TECRL: variants seen among roughly 807,000 people sequenced by gnomAD.
TECRL encodes trans-2,3-enoyl-CoA reductase-like.
TECRL carries 63 observed loss-of-function variants against 52.8 expected under a neutral mutation model. The observed-to-expected ratio is 1.19, with a 90% confidence interval of 0.97 to 1.47. The LOEUF is 1.47. Ranked by LOEUF, TECRL falls within the 40% of genes most tolerant of loss-of-function variation. The pLI, the probability that TECRL is intolerant of heterozygous loss-of-function variation, is 0.00. For missense variants in TECRL, 482 were observed against 429.6 expected (o/e 1.12, Z -1.08); for synonymous variants, 164 against 141.9 (o/e 1.16, Z -1.10).
intron 9 of TECRL, among the ~76,000 whole-genome samples, chr4:64,283,554 G>A (rs554704681): frequency 6.6e-6 from 1 of 151,986 alleles, no homozygotes; most frequent in Non-Finnish European, 1.5e-5. Flanking sequence ...TTACAAGTGG[G>A]ACTGAATGGC....
intron 2 of TECRL, among the ~76,000 whole-genome samples, chr4:64,331,065 T>C (rs111734354): frequency 2.1e-4 from 32 of 152,254 alleles, no homozygotes; most frequent in Admixed American, 2.6e-4. Context: ...TTCTTGCACA[T>C]TGGGAATCTA....
At chr4:64,335,542 T>G (rs2110061012) in intron 2 of TECRL, among the ~76,000 whole-genome samples, 1 of 152,276 alleles carries the variant, frequency 6.6e-6, no homozygotes, top group Non-Finnish European at 1.5e-5. Context: ...GTGAAACCAC[T>G]CCCTACATCC....
chr4:64,331,705 A>G (rs1391897483), intron 2 of TECRL, among the ~76,000 whole-genome samples: 1 of 152,150 alleles, frequency 6.6e-6, no homozygotes, highest in African/African-American at 2.4e-5. Flanking sequence ...TTATTGAAAT[A>G]AAACCTTTTG....
intron 9 of TECRL, among the ~76,000 whole-genome samples, chr4:64,286,618 C>T (rs1723095483): frequency 6.6e-6 from 1 of 151,450 alleles, no homozygotes; most frequent in East Asian, 1.9e-4. Flanking sequence ...CCCTTAGACA[C>T]TCCCTCAAAA....
intron 2 of TECRL, among the ~76,000 whole-genome samples, chr4:64,351,598 A>G (rs1720392734): frequency 6.6e-6 from 1 of 152,286 alleles, no homozygotes; most frequent in African/African-American, 2.4e-5. Context: ...AATTTTCCCA[A>G]TATATATTAA....
chr4:64,371,953 A>T (rs1030217808), intron 2 of TECRL, among the ~76,000 whole-genome samples: 2 of 151,862 alleles, frequency 1.3e-5, no homozygotes, highest in Non-Finnish European at 3.0e-5. Flanking sequence ...CTCTGCTAGA[A>T]TAAATAATAG....
At position 64,409,250 on chromosome 4, in the gene TECRL, G is replaced by A; in HGVS notation, c.102C>T (p.His34=). The part of the protein sequence containing the change: ...FILKDDMRNF[H]FLSKLVLSAG... ...CTGAGAGTACAAGTTTTGACAAAAA[G>A]TGAAAATTTCTCATATCATCCTTCA... The change falls in exon 1 of 12, where the codon CAC becomes CAT. Residue 34 remains histidine, a synonymous_variant. Coordinates refer to ENST00000381210, the MANE Select transcript of TECRL (RefSeq NM_001010874.5). The A allele has an allele frequency of 6.2e-7, 1 of 1,606,056 alleles. No individual in the cohort carries two copies.
chr4:64,338,737 C>G (rs1719318865), intron 2 of TECRL, among the ~76,000 whole-genome samples: 1 of 152,176 alleles, frequency 6.6e-6, no homozygotes, highest in Admixed American at 6.5e-5. Context: ...AATGAAATAT[C>G]ATCTCACACC....
chr4:64,405,532 G>T (rs993024308), intron 1 of TECRL, among the ~76,000 whole-genome samples: 3 of 152,156 alleles, frequency 2.0e-5, no homozygotes, highest in Non-Finnish European at 4.4e-5. Context: ...CAAGTGGTCA[G>T]TTTTAGAGAT....
intron 2 of TECRL, among the ~76,000 whole-genome samples, chr4:64,344,030 TA>T (rs1719771419): frequency 6.6e-6 from 1 of 152,024 alleles, no homozygotes; most frequent in African/African-American, 2.4e-5. Context: ...AATCTGTGTA[TA>T]AATATCTGTG....
At chr4:64,366,077 C>T (rs559644208) in intron 2 of TECRL, among the ~76,000 whole-genome samples, 1 of 151,930 alleles carries the variant, frequency 6.6e-6, no homozygotes, top group African/African-American at 2.4e-5. Context: ...AGAAAAAAAG[C>T]CACACAAATA....
At chr4:64,365,084 G>A (rs1005862762) in intron 2 of TECRL, among the ~76,000 whole-genome samples, 5 of 151,906 alleles carry the variant, frequency 3.3e-5, no homozygotes, top group Non-Finnish European at 7.4e-5. Context: ...TATTGAACAG[G>A]TGGTTCAAGG....
intron 4 of TECRL, among the ~76,000 whole-genome samples, chr4:64,321,747 A>G (rs1430060145): frequency 6.6e-6 from 1 of 152,116 alleles, no homozygotes; most frequent in African/African-American, 2.4e-5. Context: ...ATCTAATGCC[A>G]TTTTCAAATA....
intron 1 of TECRL, among the ~76,000 whole-genome samples, chr4:64,382,773 G>A (rs993762132): frequency 1.6e-4 from 24 of 151,910 alleles, no homozygotes; most frequent in African/African-American, 5.8e-4. Context: ...TATTTTGTAT[G>A]TCCTTTGATC....
chr4:64,333,443 T>A (rs1467750511), intron 2 of TECRL, among the ~76,000 whole-genome samples: 1 of 152,088 alleles, frequency 6.6e-6, no homozygotes, highest in Non-Finnish European at 1.5e-5. Flanking sequence ...GATGAGATGA[T>A]GAAATAAATA....
chr4:64,331,734 T>G (rs930830518), intron 2 of TECRL, among the ~76,000 whole-genome samples: 2 of 152,128 alleles, frequency 1.3e-5, no homozygotes, highest in Admixed American at 1.3e-4. Flanking sequence ...GATTAAAATG[T>G]AATGGAATGA....
intron 1 of TECRL, among the ~76,000 whole-genome samples, chr4:64,382,445 G>C (rs1198114530): frequency 6.7e-6 from 1 of 149,972 alleles, no homozygotes; most frequent in Non-Finnish European, 1.5e-5. Flanking sequence ...CCTCTTGCTG[G>C]ATTGGCCTTT....
intron 2 of TECRL, among the ~76,000 whole-genome samples, chr4:64,329,468 T>C (rs1050910571): frequency 1.5e-4 from 23 of 151,812 alleles, no homozygotes; most frequent in Non-Finnish European, 2.4e-4. Context: ...ATAGGTAATA[T>C]ATTACTAGTT....
intron 1 of TECRL, among the ~76,000 whole-genome samples, chr4:64,403,680 T>C (rs2109788199): frequency 6.6e-6 from 1 of 152,024 alleles, no homozygotes; most frequent in South Asian, 2.1e-4. Context: ...CACTCTCAGA[T>C]TTATACTAAT....
Sources: gnomAD v4.1 joint callset for allele counts (sites outside exome capture counted in the v4.1 genomes callset) on GRCh38, gnomAD v4.1.1 for gene constraint, MANE v1.5 for transcripts, NCBI Gene and HGNC (gene_info 2026-07-23, HGNC 2026-07-21) for gene names.